The following CHRNA3 variants were observed in gnomAD, a reference collection of about 807,000 sequenced individuals.
CHRNA3 encodes neuronal acetylcholine receptor subunit alpha-3.
In CHRNA3, 34 loss-of-function variants were observed where a neutral mutation model predicts 41.9. That is an observed-to-expected ratio of 0.81 (90% CI 0.62 to 1.08). The LOEUF is 1.08. Among genes scored for constraint, CHRNA3 ranks in the 50% least tolerant of loss-of-function variants. The pLI is 0.00. For synonymous variants in CHRNA3, 281 were observed against 265.2 expected, an observed-to-expected ratio of 1.06 and a Z score of -0.58; for missense variants, 542 against 638.3, an observed-to-expected ratio of 0.85 and a Z score of 1.63.
At chr15:78,600,932 CCCATG>C (rs1174741671) in intron 5 of CHRNA3, among the ~76,000 whole-genome samples, 3 of 152,036 alleles carry the variant, frequency 2.0e-5, no homozygotes, top group Non-Finnish European at 2.9e-5. Flanking sequence ...ATCATCTGGC[CCCATG>C]CCCTTTTCCA....
At chr15:78,604,804 G>A (rs973948355) in intron 4 of CHRNA3, among the ~76,000 whole-genome samples, 4 of 152,194 alleles carry the variant, frequency 2.6e-5, no homozygotes, top group Non-Finnish European at 5.9e-5. Context: ...CCTGAGGTCA[G>A]CAGTTTGAGA....
At chr15:78,615,079 G>C (rs950032402) in intron 4 of CHRNA3, among the ~76,000 whole-genome samples, 2 of 152,184 alleles carry the variant, frequency 1.3e-5, no homozygotes, top group Non-Finnish European at 2.9e-5. Flanking sequence ...GCAGGAGCCA[G>C]GGAAGTCTTT....
At chr15:78,607,733 G>A (rs534580799) in intron 4 of CHRNA3, among the ~76,000 whole-genome samples, 1 of 152,210 alleles carries the variant, frequency 6.6e-6, no homozygotes, top group South Asian at 2.1e-4. Flanking sequence ...AGGATAGTGG[G>A]TGCAGCGCAC....
intron 1 of CHRNA3, chr15:78,620,385 C>CGGGCAGCGCGGGGCAGGGCGAT: frequency 3.0e-6 from 1 of 337,848 alleles, no homozygotes; most frequent in Non-Finnish European, 5.3e-6. Flanking sequence ...GGCAGGGCGA[C>CGGGCAGCGCGGGGCAGGGCGAT]GGGCAGCGCG....
chr15:78,620,659 C>T (rs1019114246), intron 1 of CHRNA3, 54 bp downstream of exon 1: 2 of 1,493,730 alleles, frequency 1.3e-6, no homozygotes, highest in Admixed American at 2.1e-5. Context: ...CTCCGGACCC[C>T]GCGCCCCTTC....
rs2053197021 is a variant in CHRNA3 at position 78,601,498 on chromosome 15, A to C, written c.1144T>G (p.Cys382Gly). 6.2e-7 allele frequency: 1 copy of C among 1,614,046 alleles called. No homozygotes were observed. The highest frequency in any genetic ancestry group is 8.5e-7 in the Non-Finnish European group (1 of 1,180,038). ...LYGAELSNLN[C>G]FSRAESKGCK... is the part of the protein sequence containing the mutation. Reference sequence around the variant, plus strand: ...CCTTTGGACTCTGCGCGGCTGAAGCAATTCAGATTTGAGAGCTCGGCACCG... The same window carrying C: ...CCTTTGGACTCTGCGCGGCTGAAGCCATTCAGATTTGAGAGCTCGGCACCG... The change falls in exon 5 of 6, where the codon TGC becomes GGC. Residue 382 changes from cysteine (C) to glycine (G), a missense_variant. Cys to Gly is a radical substitution (Grantham distance 159). Coordinates refer to ENST00000326828, the MANE Select transcript of CHRNA3 (RefSeq NM_000743.5).
In CHRNA3 at chr15:78,618,916, C is replaced by T; in HGVS notation, c.83-1G>A. On this transcript the variant is annotated splice_acceptor_variant, in intron 1 of 5. Transcript: ENST00000326828. LOFTEE classifies it high-confidence loss of function. ...TGCTCAGCCTCTGAGGCCCTGGCCA[C>T]TGTGGGAAGCAGCCCTGTCAGTCCC... The T allele has an allele frequency of 6.2e-7, 1 of 1,613,090 alleles. No individual in the cohort carries two copies. Among genetic ancestry groups the T allele is most frequent in the East Asian group, 2.2e-5 (1 of 44,878 alleles).
At chr15:78,600,736 C>T (rs921457306) in intron 5 of CHRNA3, among the ~76,000 whole-genome samples, 3 of 151,784 alleles carry the variant, frequency 2.0e-5, no homozygotes, top group Admixed American at 6.6e-5. Context: ...GGTATGGTGG[C>T]GGGGCATCTG....
At chr15:78,608,090 C>G (rs1371974829) in intron 4 of CHRNA3, among the ~76,000 whole-genome samples, 1 of 152,224 alleles carries the variant, frequency 6.6e-6, no homozygotes, top group African/African-American at 2.4e-5. Flanking sequence ...CTGGATGGAG[C>G]CCACCACAGC....
Position 78,602,124 on chromosome 15 carries a change from C to A in CHRNA3, c.518G>T (p.Cys173Phe), listed in dbSNP as rs555968931. The A allele has an allele frequency of 1.2e-6, 2 of 1,614,130 alleles. No homozygotes were observed. Among genetic ancestry groups the A allele is most frequent in the African/African-American group, 2.7e-5 (2 of 75,026 alleles). ...GGACCAGGAACCGAACTTCATGGTA[C>A]AGTTTTGGTAATCAAACGGGAAGTA... ...VTYFPFDYQN[C>F]TMKFGSWSYD... is the part of the protein sequence containing the mutation. Residue 173 changes from cysteine (C) to phenylalanine (F), a missense_variant, in exon 5 of 6, where the codon TGT becomes TTT. Physicochemically the swap from Cys to Phe is radical, Grantham distance 205. Transcript: ENST00000326828.
In CHRNA3 at chr15:78,595,311, C is replaced by T. The variant is rs200168175; in HGVS notation, c.*1293G>A. ...TTGAAACATGAGTCACAGCGGGCTG[C>T]AATTCTGTCCATTTTATTTTTGCAC... On this transcript the variant is annotated 3_prime_UTR_variant, in exon 6 of 6. Coordinates refer to ENST00000326828, the MANE Select transcript of CHRNA3 (RefSeq NM_000743.5). The T allele has an allele frequency of 1.0e-6, 1 of 985,246 alleles. No individual in the cohort carries two copies. Among genetic ancestry groups the T allele is most frequent in the East Asian group, 1.1e-4 (1 of 8,812 alleles). The allele number at this position is 985,246 out of a possible 1,614,324, so 61.0% of individuals were successfully genotyped here.
chr15:78,612,521 A>C, intron 4 of CHRNA3, among the ~76,000 whole-genome samples: 1 of 108,124 alleles, frequency 9.2e-6, no homozygotes, highest in African/African-American at 4.3e-5. Context: ...CCATATGTAG[A>C]AAGCTGAAAC....
At chr15:78,615,253 T>G (rs1256255758) in intron 4 of CHRNA3, among the ~76,000 whole-genome samples, 1 of 152,014 alleles carries the variant, frequency 6.6e-6, no homozygotes, top group African/African-American at 2.4e-5. Flanking sequence ...CTTTTCCCAG[T>G]GGGAGGAGGC....
chr15:78,607,065 T>C (rs1315492154), intron 4 of CHRNA3, among the ~76,000 whole-genome samples: 1 of 150,990 alleles, frequency 6.6e-6, no homozygotes, highest in Non-Finnish European at 1.5e-5. Context: ...CCATCTCTAC[T>C]AAAAATACAA....
rs941587687 is a variant in CHRNA3 at position 78,611,769 on chromosome 15, G to A, written c.377+5255C>T. On this transcript the variant is annotated intron_variant, in intron 4 of 5. Coordinates refer to ENST00000326828, the MANE Select transcript of CHRNA3 (RefSeq NM_000743.5). ...TAAAGGGATTCAATTAGGAAAAGAG[G>A]AAGTCAAATTGTCCCTGTTTGCAGA... Among the ~76,000 whole-genome samples, 9 of 151,992 alleles carry A rather than the reference G, an allele frequency of 5.9e-5. No homozygotes were observed. The South Asian group carries it at 8.3e-4, about 14-fold the overall frequency.
At chr15:78,611,228 A>G (rs1374306298) in intron 4 of CHRNA3, among the ~76,000 whole-genome samples, 1 of 152,242 alleles carries the variant, frequency 6.6e-6, no homozygotes, top group Non-Finnish European at 1.5e-5. Context: ...TTATGAGGCC[A>G]GCATCCTCCT....
At chr15:78,615,139 G>A (rs1326406851) in intron 4 of CHRNA3, among the ~76,000 whole-genome samples, 1 of 152,206 alleles carries the variant, frequency 6.6e-6, no homozygotes, top group Non-Finnish European at 1.5e-5. Flanking sequence ...CAGCCACCCA[G>A]ACGGGCTGGG....
intron 5 of CHRNA3, among the ~76,000 whole-genome samples, chr15:78,597,641 ATAAAG>A (rs1013027162): frequency 2.0e-5 from 3 of 151,884 alleles, no homozygotes; most frequent in Non-Finnish European, 3.0e-5. Flanking sequence ...ATTGCTGACA[ATAAAG>A]TAAAAGATGG....
At position 78,617,134 on chromosome 15, in the gene CHRNA3, C is replaced by G; in HGVS notation, c.268-1G>C. ...ATTTCAGCTTGTAGTCATTCCAGAT[C>G]TCGGGGAAGGAAGCAGGGAGGGAGA... On this transcript the variant is annotated splice_acceptor_variant, in intron 3 of 5. Transcript: ENST00000326828. LOFTEE classifies it high-confidence loss of function. 1.2e-6 allele frequency: 2 copies of G among 1,600,978 alleles called. No individual in the cohort carries two copies. Among genetic ancestry groups the G allele is most frequent in the African/African-American group, 1.3e-5 (1 of 74,830 alleles).
Sources: allele counts gnomAD v4.1 joint callset (sites outside exome capture counted in the v4.1 genomes callset), GRCh38; gene constraint gnomAD v4.1.1; transcripts MANE v1.5; gene names NCBI Gene and HGNC (gene_info 2026-07-23, HGNC 2026-07-21).